The following NGFR variants were observed in gnomAD, a reference collection of about 807,000 sequenced individuals.
NGFR encodes the protein tumor necrosis factor receptor superfamily member 16.
NGFR carries 30 observed loss-of-function variants against 43.2 expected under a neutral mutation model. The observed-to-expected ratio is 0.69, with a 90% CI of 0.52 to 0.94. The LOEUF (loss-of-function observed/expected upper bound fraction) is 0.94, where lower values mean the gene tolerates loss of function less well. NGFR is among the 40% of genes least tolerant of loss of function. The pLI is 0.00. For synonymous variants in NGFR, 246 were observed against 259.6 expected (o/e 0.95, Z 0.50); for missense variants, 529 against 602.5 (o/e 0.88, Z 1.28).
chr17:49,514,674 G>T lies in NGFR; in HGVS notation c.*1665G>T, dbSNP rs1031671058. 1 of 152,348 alleles carries T rather than the reference G, an allele frequency of 6.6e-6. No individual in the cohort carries two copies. The highest frequency in any genetic ancestry group is 6.5e-5 in the Admixed American group (1 of 15,310). The allele number at this position is 152,348 out of a possible 1,614,324, so 9.4% of individuals were successfully genotyped here. ...CAATTCTTTGACCTCAACCTGTGAT[G>T]AGGGGAGGAAACTCACCTGCTGGCC... On this transcript the variant is annotated 3_prime_UTR_variant, in exon 6 of 6. Transcript: ENST00000172229.
chr17:49,500,067 A>G (rs1190499663), intron 1 of NGFR, among the ~76,000 whole-genome samples: 1 of 151,542 alleles, frequency 6.6e-6, no homozygotes, highest in East Asian at 1.9e-4. Flanking sequence ...AAAAAAAAAA[A>G]GGCTGACAGG....
At position 49,513,197 on chromosome 17, in the gene NGFR, C is replaced by T. The variant is rs1467054714; in HGVS notation, c.*188C>T. On this transcript the variant is annotated 3_prime_UTR_variant, in exon 6 of 6. Transcript: ENST00000172229. ...CAGTGCAGCCCGTGTGGCCCCTTCA[C>T]TTCTGACCACACTTCCTGTCCAGAG... The T allele has an allele frequency of 3.3e-6, 2 of 604,494 alleles. No homozygotes were observed. Among genetic ancestry groups the T allele is most frequent in the Admixed American group, 6.9e-5 (2 of 29,168 alleles). 37.4% of individuals were successfully genotyped at this position (604,494 alleles called of 1,614,324 possible). A position where few individuals can be genotyped will look rare whatever the true frequency, so the allele number is the denominator to read the frequency against.
At chr17:49,508,380 C>G (rs1281038346) in intron 3 of NGFR, among the ~76,000 whole-genome samples, 3 of 152,192 alleles carry the variant, frequency 2.0e-5, no homozygotes, top group Non-Finnish European at 4.4e-5. Context: ...TTCCCAGCCA[C>G]CCCGAAGGAG....
Position 49,510,688 on chromosome 17 carries a change from A to T in NGFR, c.821+24A>T, listed in dbSNP as rs745881748. On this transcript the variant is annotated intron_variant, in intron 4 of 5. Transcript: ENST00000172229. ...AGGTAAGAGAGGGCACGGTGGCGAC[A>T]GAGAGGGGAGATGTTTGCCCTCAAG... The T allele has an allele frequency of 1.4e-5, 22 of 1,606,766 alleles. No individual in the cohort carries two copies. The Admixed American group carries it at 3.5e-4, about 26-fold the overall frequency.
Position 49,512,816 on chromosome 17 carries a change from G to A in NGFR, c.1091G>A (p.Gly364Asp), listed in dbSNP as rs1428177861. ...SAGDTWRHLA[G>D]ELGYQPEHID... is the part of the protein sequence containing the mutation. ...GGGGACACCTGGCGGCACCTGGCGG[G>A]CGAGCTGGGCTACCAGCCCGAGCAC... The change falls in exon 6 of 6, where the codon GGC becomes GAC. Residue 364 changes from glycine to aspartate, a missense_variant. Transcript: ENST00000172229. The surrounding 1 kb of genome is among the most constrained non-coding windows in gnomAD (Gnocchi z 5.2). 1 of 1,613,340 alleles carries A rather than the reference G, an allele frequency of 6.2e-7. No homozygotes were observed. The highest frequency in any genetic ancestry group is 8.5e-7 in the Non-Finnish European group (1 of 1,179,976).
In NGFR at chr17:49,506,435, G is replaced by T. The variant is rs1342519284; in HGVS notation, c.345G>T (p.Gln115His). The change falls in exon 3 of 6, where the codon CAG becomes CAT. Residue 115 changes from glutamine (Q) to histidine (H), a missense_variant. Coordinates refer to ENST00000172229, the MANE Select transcript of NGFR (RefSeq NM_002507.4). ...GCCGCTGCGCCTACGGCTACTACCA[G>T]GATGAGACGACTGGGCGCTGCGAGG... Reference protein sequence around the residue: ...AVCRCAYGYYQDETTGRCEAC... With the variant: ...AVCRCAYGYYHDETTGRCEAC... 28 of 1,607,754 alleles carry T rather than the reference G, an allele frequency of 1.7e-5. No individual in the cohort carries two copies. Among genetic ancestry groups the T allele is most frequent in the Non-Finnish European group, 2.3e-5 (27 of 1,178,924 alleles).
intron 2 of NGFR, among the ~76,000 whole-genome samples, chr17:49,504,017 C>A (rs2143431581): frequency 6.6e-6 from 1 of 152,164 alleles, no homozygotes; most frequent in South Asian, 2.1e-4. Context: ...TCCTCCCTCC[C>A]CTCCATTTTC....
Position 49,512,041 on chromosome 17 carries a change from C to T in NGFR, c.971C>T (p.Ala324Val). 6.2e-7 allele frequency: 1 copy of T among 1,613,296 alleles called. No individual in the cohort carries two copies. The highest frequency in any genetic ancestry group is 8.5e-7 in the Non-Finnish European group (1 of 1,179,702). Reference sequence around the variant, plus strand: ...GACCAGCAGCCCCACACGCAGACAGCCTCGGGCCAGGGTGAGCAGCGGCCC... The same window carrying T: ...GACCAGCAGCCCCACACGCAGACAGTCTCGGGCCAGGGTGAGCAGCGGCCC... ...LHDQQPHTQT[A>V]SGQALKGDGG... The change falls in exon 5 of 6, where the codon GCC becomes GTC. Residue 324 changes from alanine (A) to valine (V), a missense_variant. Ala to Val is a moderately conservative substitution (Grantham distance 64, BLOSUM62 0). Transcript: ENST00000172229. The surrounding 1 kb of genome is among the most constrained non-coding windows in gnomAD (Gnocchi z 5.2).
chr17:49,512,067 G>T lies in NGFR; in HGVS notation c.982+15G>T, dbSNP rs199928770. On this transcript the variant is annotated intron_variant, in intron 5 of 5. Coordinates refer to ENST00000172229, the MANE Select transcript of NGFR (RefSeq NM_002507.4). This position sits in a 1 kb window ranked among gnomAD's most constrained non-coding sequence, Gnocchi z 5.2. The stretch of plus-strand genomic sequence containing the variant: ...CTCGGGCCAGGGTGAGCAGCGGCCC[G>T]CTGGGGAGCTGAGGCGGAGCTGAGG... The T allele has an allele frequency of 1.4e-4, 222 of 1,609,082 alleles. 2 individuals are homozygous for T. The African/African-American group carries it at 2.6e-3, about 19-fold the overall frequency.
At chr17:49,506,701 T>C (rs879870781) in intron 3 of NGFR, 43 bp downstream of exon 3, 1 of 148,986 alleles carries the variant, frequency 6.7e-6, no homozygotes, top group Non-Finnish European at 1.1e-5. Context: ...GGTGCGGGGG[T>C]GGGCTGGGGG....
chr17:49,512,942 G>A lies in NGFR; in HGVS notation c.1217G>A (p.Arg406His), dbSNP rs748153154. 29 of 1,610,100 alleles carry A rather than the reference G, an allele frequency of 1.8e-5. No individual in the cohort carries two copies. The highest frequency in any genetic ancestry group is 1.7e-4 in the Middle Eastern group (1 of 6,042). ...CTGGACGCCCTCCTGGCCGCCCTGC[G>A]CCGCATCCAGCGAGCCGACCTCGTG... ...ATLDALLAAL[R>H]RIQRADLVES... The change falls in exon 6 of 6, where the codon CGC (arginine) becomes CAC (histidine). Residue 406 changes from arginine to histidine, a missense_variant. Transcript: ENST00000172229. The surrounding 1 kb of genome is among the most constrained non-coding windows in gnomAD (Gnocchi z 5.2).
Position 49,502,871 on chromosome 17 carries a change from T to TTC in NGFR, c.208+667_208+668insTC, listed in dbSNP as rs1491582362. On this transcript the variant is annotated intron_variant, in intron 2 of 5. Coordinates refer to ENST00000172229, the MANE Select transcript of NGFR (RefSeq NM_002507.4). ...TCCTTCCTTCCTTCCTTCCTTCCTT[T>TTC]CTCTCTCTCTCTTTCTTTACCTTTC... 5.5e-4 allele frequency among the ~76,000 whole-genome samples: 41 copies of TTC among 75,114 alleles called. No individual in the cohort carries two copies. The South Asian group carries it at 6.7e-3, about 12-fold the overall frequency. 49.3% of individuals were successfully genotyped at this position (75,114 alleles called of 152,430 possible).
chr17:49,505,919 C>T (rs2071193578), intron 2 of NGFR: 3 of 204,296 alleles, frequency 1.5e-5, no homozygotes, highest in East Asian at 1.2e-4. Flanking sequence ...CTCTGGCCCG[C>T]GGGGAGGGCT....
chr17:49,506,039 T>A, intron 2 of NGFR: 1 of 553,434 alleles, frequency 1.8e-6, no homozygotes, highest in East Asian at 3.2e-5. Context: ...AGCTGGGTTA[T>A]GCCGGAAAGC....
chr17:49,506,543 C>T lies in NGFR; in HGVS notation c.453C>T (p.Asp151=), dbSNP rs1045395377. 9.9e-6 allele frequency: 16 copies of T among 1,611,724 alleles called. No homozygotes were observed. The African/African-American group carries it at 1.1e-4, about 11-fold the overall frequency. The change falls in exon 3 of 6, where the codon GAC becomes GAT. Residue 151 remains aspartate, a synonymous_variant. Coordinates refer to ENST00000172229, the MANE Select transcript of NGFR (RefSeq NM_002507.4). ...ACACCGTGTGCGAGGAGTGCCCCGA[C>T]GGCACGTATTCCGACGAGGCCAACC... ...KQNTVCEECP[D]GTYSDEANHV... is the part of the protein sequence containing the mutation.
chr17:49,504,769 C>CTTTTTTTTTT (rs67010321), intron 2 of NGFR, among the ~76,000 whole-genome samples: 2 of 110,930 alleles, frequency 1.8e-5, no homozygotes, highest in Non-Finnish European at 1.9e-5. Context: ...TTCTTTCTTT[C>CTTTTTTTTTT]TTTTTTTTTT....
chr17:49,504,775 T>TCTTTC (rs1567739099), intron 2 of NGFR, among the ~76,000 whole-genome samples: 2 of 140,230 alleles, frequency 1.4e-5, no homozygotes, highest in African/African-American at 5.3e-5. Context: ...CTTTCTTTTT[T>TCTTTC]TTTTTTTTTT....
At chr17:49,499,039 G>A (rs2071153409) in intron 1 of NGFR, among the ~76,000 whole-genome samples, 1 of 152,124 alleles carries the variant, frequency 6.6e-6, no homozygotes, top group Admixed American at 6.5e-5. Flanking sequence ...TTTTAGGTGA[G>A]AAAAACTGAG....
chr17:49,506,107 C>A (rs535330913), intron 2 of NGFR, 192 bp from the exon 3 acceptor site: 6 of 1,168,740 alleles, frequency 5.1e-6, no homozygotes, highest in Middle Eastern at 2.9e-4. Context: ...CCTCCTCCCC[C>A]TTTCCCAGTT....
Sources: allele counts gnomAD v4.1 joint callset (sites outside exome capture counted in the v4.1 genomes callset), GRCh38; gene constraint gnomAD v4.1.1; non-coding constraint Gnocchi (gnomAD v3.1); transcripts MANE v1.5; gene names NCBI Gene and HGNC (gene_info 2026-07-23, HGNC 2026-07-21).